The following HK2 variants were observed in gnomAD, a reference collection of about 807,000 sequenced individuals.
HK2 encodes hexokinase-2.
A neutral mutation model predicts 92.9 loss-of-function variants in HK2; 42 were observed. The observed-to-expected ratio is 0.45, with a 90% CI of 0.35 to 0.58. The LOEUF (loss-of-function observed/expected upper bound fraction) is 0.58. Among genes scored for constraint, HK2 ranks in the 20% least tolerant of loss-of-function variants. HK2 has a pLI of 0.00. For missense variants in HK2, 978 were observed against 1,245.1 expected, an observed-to-expected ratio of 0.79 and a Z score of 3.23; for synonymous variants, 422 against 468.0, an observed-to-expected ratio of 0.90 and a Z score of 1.27.
intron 1 of HK2, among the ~76,000 whole-genome samples, chr2:74,853,280 G>T (rs28362983): frequency 6.6e-6 from 1 of 152,052 alleles, no homozygotes; most frequent in Non-Finnish European, 1.5e-5. Flanking sequence ...ACTTTGGGAG[G>T]CCGAGGCAGG....
rs1380530066 is a variant in HK2, at chr2:74,849,829, G to A, written c.64-4464G>A. ...TTCAGATGAAGAGTCCTCTAATGTC[G>A]CACACCTGTACGAACGCTACCACTA... On this transcript the variant is annotated intron_variant, in intron 1 of 17. Transcript: ENST00000290573. Among the ~76,000 whole-genome samples the A allele has an allele frequency of 9.9e-5, 15 of 152,246 alleles. No individual in the cohort carries two copies. In the South Asian group the frequency reaches 2.5e-3, roughly 25 times the overall value.
At chr2:74,862,494 G>C (rs1334404570) in intron 2 of HK2, among the ~76,000 whole-genome samples, 1 of 152,320 alleles carries the variant, frequency 6.6e-6, no homozygotes, top group African/African-American at 2.4e-5. Flanking sequence ...AAAACAATTA[G>C]AGATATCGGG....
At chr2:74,840,631 G>T (rs1271786153) in intron 1 of HK2, among the ~76,000 whole-genome samples, 1 of 150,932 alleles carries the variant, frequency 6.6e-6, no homozygotes, top group Non-Finnish European at 1.5e-5. Context: ...ACTTTGAGAG[G>T]CCAAGGCGGG....
At chr2:74,859,004 C>A (rs1472250213) in intron 2 of HK2, among the ~76,000 whole-genome samples, 1 of 152,174 alleles carries the variant, frequency 6.6e-6, no homozygotes, top group East Asian at 1.9e-4. Flanking sequence ...CATAAACGGT[C>A]CAGGAATGTC....
intron 1 of HK2, among the ~76,000 whole-genome samples, chr2:74,838,982 AGACTG>A (rs1293858203): frequency 6.6e-6 from 1 of 152,218 alleles, no homozygotes; most frequent in Non-Finnish European, 1.5e-5. Context: ...TAATACGCAT[AGACTG>A]GTGACATTTG....
chr2:74,852,689 A>T (rs189175336), intron 1 of HK2, among the ~76,000 whole-genome samples: 3,152 of 146,774 alleles, frequency 0.021, 119 homozygotes, highest in African/African-American at 0.076. Flanking sequence ...TTAAAAGATT[A>T]AAAAAAAAAA....
In HK2 at chr2:74,872,438, A is replaced by T; in HGVS notation, c.495+19A>T. On this transcript the variant is annotated intron_variant, in intron 4 of 17. Coordinates refer to ENST00000290573, the MANE Select transcript of HK2 (RefSeq NM_000189.5). ...AGACGAGGTAAGATGGGCTCCTCAG[A>T]CACTTGTTGCTTCACTCTTGGGGCT... 6.2e-7 allele frequency: 1 copy of T among 1,613,806 alleles called. No individual in the cohort carries two copies. Among genetic ancestry groups the T allele is most frequent in the South Asian group, 1.1e-5 (1 of 91,070 alleles).
At chr2:74,887,419 G>T (rs1689565041) in intron 15 of HK2, among the ~76,000 whole-genome samples, 1 of 147,130 alleles carries the variant, frequency 6.8e-6, no homozygotes, top group Admixed American at 6.7e-5. Flanking sequence ...ATAACGTTTA[G>T]TTCCAGTGGC....
chr2:74,848,970 C>A (rs1688505360), intron 1 of HK2, among the ~76,000 whole-genome samples: 1 of 152,250 alleles, frequency 6.6e-6, no homozygotes, highest in Non-Finnish European at 1.5e-5. Flanking sequence ...CCCTTTCTTG[C>A]AGTCACCTCC....
chr2:74,885,874 ACACACACACAC>A, intron 13 of HK2, among the ~76,000 whole-genome samples: 1 of 151,640 alleles, frequency 6.6e-6, no homozygotes, highest in African/African-American at 2.4e-5. Context: ...ACACACACAC[ACACACACACAC>A]AGTAAAGGAA....
intron 2 of HK2, among the ~76,000 whole-genome samples, chr2:74,857,817 C>G (rs1688728766): frequency 6.6e-6 from 1 of 152,116 alleles, no homozygotes; most frequent in Non-Finnish European, 1.5e-5. Flanking sequence ...TGTCAGCACC[C>G]CAGTGAAGTG....
At chr2:74,882,938 C>G (rs1689438810) in intron 12 of HK2, among the ~76,000 whole-genome samples, 1 of 151,998 alleles carries the variant, frequency 6.6e-6, no homozygotes, top group Non-Finnish European at 1.5e-5. Flanking sequence ...CCTGGCTCTT[C>G]TCTGGTCTCA....
chr2:74,887,815 C>T (rs1689575038), intron 15 of HK2, 88 bp from the exon 16 acceptor site: 8 of 1,214,704 alleles, frequency 6.6e-6, no homozygotes, highest in Non-Finnish European at 8.5e-6. Flanking sequence ...ACTGCTGATG[C>T]ACTGGGGGTG....
chr2:74,836,823 T>G (rs1338563600), intron 1 of HK2, among the ~76,000 whole-genome samples: 1 of 152,154 alleles, frequency 6.6e-6, no homozygotes, highest in Non-Finnish European at 1.5e-5. Context: ...AGAATGAAAA[T>G]TTAGTATAAC....
At chr2:74,869,554 T>C (rs1168858295) in intron 3 of HK2, among the ~76,000 whole-genome samples, 1 of 152,252 alleles carries the variant, frequency 6.6e-6, no homozygotes, top group Non-Finnish European at 1.5e-5. Context: ...TTCCGGCACA[T>C]TAACTTCTCC....
chr2:74,877,229 G>C lies in HK2; in HGVS notation c.939G>C (p.Met313Ile), dbSNP rs1416285000. Residue 313 changes from methionine (M) to isoleucine (I), a missense_variant, in exon 8 of 18, where the codon ATG becomes ATC. Around this residue, in one of 3 missense-constraint regions of HK2, gnomAD observed 742 missense variants for 922.5 expected, o/e 0.80. Transcript: ENST00000290573. The stretch of plus-strand genomic sequence containing the variant: ...TGGTGAGGCTTATCCTGGTGAAGAT[G>C]GCCAAGGAGGAGCTGCTCTTTGGGG... Reference protein sequence around the residue: ...GELVRLILVKMAKEELLFGGK... With the variant: ...GELVRLILVKIAKEELLFGGK... The C allele has an allele frequency of 1.2e-6, 2 of 1,614,176 alleles. No individual in the cohort carries two copies. The highest frequency in any genetic ancestry group is 2.2e-5 in the South Asian group (2 of 91,086).
chr2:74,882,320 A>T (rs878949886), intron 12 of HK2, 81 bp downstream of exon 12: 4 of 1,602,150 alleles, frequency 2.5e-6, no homozygotes, highest in South Asian at 2.2e-5. Flanking sequence ...GCAGGGGAGA[A>T]AGTTGAGCTA....
intron 12 of HK2, among the ~76,000 whole-genome samples, chr2:74,883,113 T>C (rs1238075702): frequency 6.6e-6 from 1 of 152,124 alleles, no homozygotes; most frequent in African/African-American, 2.4e-5. Flanking sequence ...ATTAGGTATC[T>C]GGAGACTGTT....
intron 1 of HK2, among the ~76,000 whole-genome samples, chr2:74,853,966 G>T (rs1450578367): frequency 6.6e-6 from 1 of 151,956 alleles, no homozygotes; most frequent in Non-Finnish European, 1.5e-5. Flanking sequence ...AAGAGATGAG[G>T]GTAATGAACC....
Sources: allele counts gnomAD v4.1 joint callset (sites outside exome capture counted in the v4.1 genomes callset), GRCh38; gene constraint gnomAD v4.1.1; regional missense constraint gnomAD v4.1.1; transcripts MANE v1.5; gene names NCBI Gene and HGNC (gene_info 2026-07-23, HGNC 2026-07-21).